Variants in RBM25 observed in about 807,000 individuals in gnomAD.
The protein encoded by RBM25 is RNA binding motif protein 25.
A neutral mutation model predicts 120.7 loss-of-function variants in RBM25; 19 were observed. The observed-to-expected ratio is 0.16, with a 90% CI of 0.11 to 0.23. The LOEUF (loss-of-function observed/expected upper bound fraction) is 0.23. Among genes scored for constraint, RBM25 ranks in the 10% least tolerant of loss-of-function variants. The probability of loss-of-function intolerance (pLI) is 1.00; values close to 1 mark genes in which losing one functional copy is unlikely to be tolerated. For synonymous variants in RBM25, 390 were observed against 326.7 expected, an observed-to-expected ratio of 1.19 and a Z score of -2.09; for missense variants, 605 against 1,041.5, an observed-to-expected ratio of 0.58 and a Z score of 5.77.
intron 5 of RBM25, among the ~76,000 whole-genome samples, chr14:73,085,122 G>T (rs542065000): frequency 6.6e-6 from 1 of 151,570 alleles, no homozygotes; most frequent in South Asian, 2.1e-4. Flanking sequence ...TGATTCAAAC[G>T]ATTCTCCAGC....
intron 12 of RBM25, 35 bp downstream of exon 12, chr14:73,106,320 G>C: frequency 6.6e-7 from 1 of 1,516,538 alleles, no homozygotes; most frequent in Admixed American, 2.2e-5. Context: ...GATTTTTCAG[G>C]TAAAAAGTCA....
rs1407489421 is a variant in RBM25, at chr14:73,110,909, CAAGAAAAAG to C, written c.1780_1788del (p.Glu594_Lys596del). ...ATCAGAAGAGGAGGAAGAAGAAAAG[CAAGAAAAAG>C]AAGAAAAACGAGAAGAACCCATGGA... On this transcript the variant is annotated inframe_deletion, in exon 15 of 19. Coordinates refer to ENST00000261973, the MANE Select transcript of RBM25 (RefSeq NM_021239.3). 1 of 1,611,904 alleles carries C rather than the reference CAAGAAAAAG, an allele frequency of 6.2e-7. No homozygotes were observed. Among genetic ancestry groups the C allele is most frequent in the Non-Finnish European group, 8.5e-7 (1 of 1,178,968 alleles).
intron 4 of RBM25, among the ~76,000 whole-genome samples, chr14:73,081,374 G>A (rs1180658962): frequency 6.6e-6 from 1 of 152,202 alleles, no homozygotes; most frequent in Non-Finnish European, 1.5e-5. Flanking sequence ...TTGACCTCAA[G>A]TGATCCACCC....
intron 9 of RBM25, 193 bp from the exon 10 acceptor site, chr14:73,102,999 T>A (rs1896084768): frequency 8.6e-7 from 1 of 1,161,940 alleles, no homozygotes; most frequent in Admixed American, 2.5e-5. Context: ...CTGTGTAGAG[T>A]ATATGGTTTT....
chr14:73,093,703 C>A (rs921801341), intron 6 of RBM25, among the ~76,000 whole-genome samples: 1 of 151,482 alleles, frequency 6.6e-6, no homozygotes, highest in African/African-American at 2.4e-5. Context: ...AGATGGGTTT[C>A]GCCATGTTGG....
chr14:73,064,229 A>G (rs1895073334), intron 1 of RBM25, among the ~76,000 whole-genome samples: 1 of 151,556 alleles, frequency 6.6e-6, no homozygotes, highest in African/African-American at 2.4e-5. Flanking sequence ...GGTAACAGAT[A>G]AGCTTTGCTT....
intron 6 of RBM25, among the ~76,000 whole-genome samples, chr14:73,091,066 A>G (rs1451378051): frequency 6.6e-6 from 1 of 152,168 alleles, no homozygotes. Context: ...GCTAGGACTC[A>G]CTGTTTTCTT....
At chr14:73,082,157 C>CTT (rs1279196741) in intron 4 of RBM25, among the ~76,000 whole-genome samples, 2 of 152,168 alleles carry the variant, frequency 1.3e-5, no homozygotes, top group Non-Finnish European at 2.9e-5. Context: ...TTGTCCTTAA[C>CTT]TTTACCTTCC....
chr14:73,078,940 A>T (rs560339270), intron 4 of RBM25, among the ~76,000 whole-genome samples: 23 of 152,270 alleles, frequency 1.5e-4, no homozygotes, highest in Middle Eastern at 3.4e-3. Context: ...CCTTTTCCCC[A>T]ATGATGTTAA....
At chr14:73,080,555 A>G (rs942459352) in intron 4 of RBM25, among the ~76,000 whole-genome samples, 6 of 151,938 alleles carry the variant, frequency 3.9e-5, no homozygotes, top group Non-Finnish European at 5.9e-5. Flanking sequence ...ATTGGTGTTT[A>G]TTTAGAATTT....
At chr14:73,065,788 C>T (rs1442939596) in intron 1 of RBM25, among the ~76,000 whole-genome samples, 1 of 150,468 alleles carries the variant, frequency 6.6e-6, no homozygotes, top group Non-Finnish European at 1.5e-5. Context: ...CTCCTGACCT[C>T]CAGTGATCTG....
At chr14:73,073,178 C>T (rs148026952) in intron 2 of RBM25, among the ~76,000 whole-genome samples, 37 of 152,248 alleles carry the variant, frequency 2.4e-4, no homozygotes, top group African/African-American at 8.9e-4. Flanking sequence ...ATACTCCTGC[C>T]TCAGCCTTCC....
chr14:73,068,531 A>G (rs888748209), intron 1 of RBM25: 2 of 779,610 alleles, frequency 2.6e-6, no homozygotes, highest in Non-Finnish European at 4.2e-6. Flanking sequence ...TAGTGGTTTT[A>G]ACATTAGATG....
intron 6 of RBM25, among the ~76,000 whole-genome samples, chr14:73,091,890 A>C (rs1347318361): frequency 1.3e-5 from 2 of 152,080 alleles, no homozygotes; most frequent in Non-Finnish European, 2.9e-5. Context: ...AAAAAAAGCG[A>C]AGTTACATGC....
chr14:73,073,054 C>A (rs892444221), intron 2 of RBM25, among the ~76,000 whole-genome samples: 1 of 151,992 alleles, frequency 6.6e-6, no homozygotes, highest in African/African-American at 2.4e-5. Flanking sequence ...GGAGCTGGGA[C>A]CACAGGCTTT....
In RBM25 at chr14:73,105,939, A is replaced by G; in HGVS notation, c.1235A>G (p.Glu412Gly). 6.2e-7 allele frequency: 1 copy of G among 1,612,870 alleles called. No homozygotes were observed. The highest frequency in any genetic ancestry group is 8.5e-7 in the Non-Finnish European group (1 of 1,179,310). Residue 412 changes from glutamate (E) to glycine (G), a missense_variant, in exon 11 of 19, where the codon GAG becomes GGG. By Grantham distance (98) the Glu-to-Gly change is moderately conservative (BLOSUM62 -2). Around this residue, in one of 4 missense-constraint regions of RBM25, gnomAD observed 465 missense variants for 741.6 expected, o/e 0.63. Coordinates refer to ENST00000261973, the MANE Select transcript of RBM25 (RefSeq NM_021239.3). Reference sequence around the variant, plus strand: ...GAACGAGAGCGAGAACGAGAACGGGAGCGAGAGAGAGAGCGAGAGAGGGAA... The same window carrying G: ...GAACGAGAGCGAGAACGAGAACGGGGGCGAGAGAGAGAGCGAGAGAGGGAA... ...ERERERERER[E>G]RERERERERE... is the part of the protein sequence containing the mutation.
At chr14:73,089,459 A>AT (rs1280436939) in intron 6 of RBM25, among the ~76,000 whole-genome samples, 3 of 151,564 alleles carry the variant, frequency 2.0e-5, no homozygotes, top group East Asian at 1.9e-4. Context: ...TGTTCAGGTG[A>AT]TTCTCCTGCC....
At chr14:73,088,960 G>A (rs1015103348) in intron 6 of RBM25, among the ~76,000 whole-genome samples, 10 of 152,168 alleles carry the variant, frequency 6.6e-5, no homozygotes, top group Non-Finnish European at 1.5e-4. Context: ...GGCCAACGTG[G>A]CGAAACCCTG....
At chr14:73,065,380 G>A (rs564572214) in intron 1 of RBM25, among the ~76,000 whole-genome samples, 10 of 151,668 alleles carry the variant, frequency 6.6e-5, no homozygotes, top group Admixed American at 1.3e-4. Context: ...GGTCTGCCTC[G>A]GCCTCCCAAA....
Sources: gnomAD v4.1 joint callset for allele counts (sites outside exome capture counted in the v4.1 genomes callset) on GRCh38, gnomAD v4.1.1 for gene constraint, gnomAD v4.1.1 regional missense constraint, MANE v1.5 for transcripts, NCBI Gene and HGNC (gene_info 2026-07-23, HGNC 2026-07-21) for gene names.